ACOT12: variants seen among roughly 807,000 people sequenced by gnomAD.
ACOT12 encodes the protein acyl-CoA thioesterase 12, also known as acetyl-coenzyme A thioesterase.
In ACOT12, 51 loss-of-function variants were observed where a neutral mutation model predicts 67.7. The observed-to-expected ratio is 0.75, with a 90% CI of 0.60 to 0.95. The LOEUF is 0.95. Among genes scored for constraint, ACOT12 ranks in the 40% least tolerant of loss-of-function variants. The probability of loss-of-function intolerance (pLI) is 0.00; values close to 1 mark genes in which losing one functional copy is unlikely to be tolerated. For synonymous variants in ACOT12, 251 were observed against 244.6 expected, an observed-to-expected ratio of 1.03 and a Z score of -0.24; for missense variants, 734 against 708.1, an observed-to-expected ratio of 1.04 and a Z score of -0.41.
the ACOT12 span, among the ~76,000 whole-genome samples, chr5:81,311,518 G>A: frequency 6.6e-6 from 1 of 152,068 alleles, no homozygotes; most frequent in Non-Finnish European, 1.5e-5. Context: ...TAAGACACCT[G>A]ATTCATAAGC....
At chr5:81,324,476 A>G in the ACOT12 span, among the ~76,000 whole-genome samples, 245 of 152,344 alleles carry the variant, frequency 1.6e-3, no homozygotes, top group African/African-American at 5.6e-3. Flanking sequence ...TAAGTACTTA[A>G]GTATACAAGC....
chr5:81,324,720 G>A, the ACOT12 span, among the ~76,000 whole-genome samples: 4 of 152,206 alleles, frequency 2.6e-5, no homozygotes, highest in Non-Finnish European at 5.9e-5. Flanking sequence ...CTAAGAGTGT[G>A]ACATCATGGA....
At chr5:81,331,343 T>A (rs1758819836) in intron 13 of ACOT12, among the ~76,000 whole-genome samples, 1 of 152,058 alleles carries the variant, frequency 6.6e-6, no homozygotes, top group Admixed American at 6.6e-5. Context: ...TTCGAGGCTA[T>A]CCTGACCAAC....
chr5:81,321,510 T>C, the ACOT12 span, among the ~76,000 whole-genome samples: 177 of 152,198 alleles, frequency 1.2e-3, no homozygotes, highest in African/African-American at 4.0e-3. Context: ...ATTTTAAAAA[T>C]GGAAAACTTG....
chr5:81,384,631 T>G (rs1261528011), intron 2 of ACOT12, among the ~76,000 whole-genome samples: 1 of 152,172 alleles, frequency 6.6e-6, no homozygotes, highest in Non-Finnish European at 1.5e-5. Context: ...GAGGCTGTAC[T>G]GTTGAGGTTT....
chr5:81,394,015 A>G lies in ACOT12; in HGVS notation c.100T>C (p.Trp34Arg), dbSNP rs758088057. ...GELSAGQLLK[W>R]IDTTACLAAE... ...GCCAGGCAGGCGGTGGTGTCGATCC[A>G]CTTGAGCAGCTGCCCCGCGCTCAGC... is the stretch of plus-strand genomic sequence containing the variant. Residue 34 changes from tryptophan to arginine, a missense_variant, in exon 1 of 15, where the codon TGG (tryptophan) becomes CGG (arginine). Physicochemically the swap from Trp to Arg is moderately radical, Grantham distance 101. Transcript: ENST00000307624. 2.8e-6 allele frequency: 4 copies of G among 1,450,740 alleles called. No homozygotes were observed. The highest frequency in any genetic ancestry group is 3.6e-6 in the Non-Finnish European group (4 of 1,105,868). The allele number at this position is 1,450,740 out of a possible 1,614,324, so 89.9% of individuals were successfully genotyped here. A position where few individuals can be genotyped will look rare whatever the true frequency, so the allele number is the denominator to read the frequency against.
intron 1 of ACOT12, among the ~76,000 whole-genome samples, 192 bp from the exon 2 acceptor site, chr5:81,386,018 A>G (rs1760716552): frequency 6.6e-6 from 1 of 152,196 alleles, no homozygotes; most frequent in Non-Finnish European, 1.5e-5. Context: ...TATATTTCTA[A>G]TGTATGGTAA....
Position 81,345,868 on chromosome 5 carries a change from C to T in ACOT12, c.773+17G>A, listed in dbSNP as rs183860031. 1.9e-6 allele frequency: 3 copies of T among 1,613,306 alleles called. No homozygotes were observed. Among genetic ancestry groups the T allele is most frequent in the East Asian group, 2.2e-5 (1 of 44,840 alleles). On this transcript the variant is annotated intron_variant, in intron 7 of 14. Coordinates refer to ENST00000307624, the MANE Select transcript of ACOT12 (RefSeq NM_130767.3). Reference sequence around the variant, plus strand: ...CAAGTTTAAATTTCTTCATAGCAGCCTAAGGGCTCACTTTACCAGGTCTGA... The same window carrying T: ...CAAGTTTAAATTTCTTCATAGCAGCTTAAGGGCTCACTTTACCAGGTCTGA...
chr5:81,393,644 G>C (rs539080123), intron 1 of ACOT12, among the ~76,000 whole-genome samples: 2 of 152,114 alleles, frequency 1.3e-5, no homozygotes, highest in African/African-American at 4.8e-5. Context: ...TTTAGCTCAG[G>C]AGGTCGAGGC....
At chr5:81,338,685 G>A (rs921242995) in intron 11 of ACOT12, among the ~76,000 whole-genome samples, 2 of 152,140 alleles carry the variant, frequency 1.3e-5, no homozygotes, top group African/African-American at 4.8e-5. Context: ...TTCATTCTAC[G>A]AAATGAAGCT....
At chr5:81,311,735 T>C in the ACOT12 span, among the ~76,000 whole-genome samples, 19 of 152,212 alleles carry the variant, frequency 1.2e-4, no homozygotes, top group Non-Finnish European at 2.1e-4. Flanking sequence ...AAATGTGTTA[T>C]CTACACAGTA....
chr5:81,355,905 T>C (rs1287356625), intron 5 of ACOT12, among the ~76,000 whole-genome samples: 2 of 152,182 alleles, frequency 1.3e-5, no homozygotes, highest in Admixed American at 1.3e-4. Context: ...AAACAATGCC[T>C]TAGTTTTCCA....
At chr5:81,388,701 A>G (rs550930790) in intron 1 of ACOT12, among the ~76,000 whole-genome samples, 1 of 152,304 alleles carries the variant, frequency 6.6e-6, no homozygotes, top group East Asian at 1.9e-4. Context: ...GGTTAATTAA[A>G]TGGATATTGA....
At chr5:81,388,601 T>A (rs1255748744) in intron 1 of ACOT12, among the ~76,000 whole-genome samples, 5 of 152,242 alleles carry the variant, frequency 3.3e-5, no homozygotes, top group African/African-American at 9.6e-5. Flanking sequence ...ACACTTGTTT[T>A]ATTTTATATA....
At chr5:81,357,052 C>T (rs1759738406) in intron 5 of ACOT12, among the ~76,000 whole-genome samples, 1 of 152,042 alleles carries the variant, frequency 6.6e-6, no homozygotes, top group African/African-American at 2.4e-5. Context: ...TTCTCTCTAG[C>T]AATACTCTTG....
intron 2 of ACOT12, among the ~76,000 whole-genome samples, chr5:81,376,089 G>A (rs779869844): frequency 7.9e-5 from 12 of 152,030 alleles, no homozygotes; most frequent in Non-Finnish European, 1.5e-4. Context: ...ATAATTGGAG[G>A]TAAAACACTC....
the ACOT12 span, among the ~76,000 whole-genome samples, chr5:81,322,088 T>G: frequency 6.6e-6 from 1 of 152,150 alleles, no homozygotes; most frequent in African/African-American, 2.4e-5. Context: ...CTCACAAATT[T>G]ATAATAGAAT....
At position 81,330,766 on chromosome 5, in the gene ACOT12, C is replaced by T. The variant is rs371311711; in HGVS notation, c.1518+48G>A. On this transcript the variant is annotated intron_variant, in intron 14 of 14. Transcript: ENST00000307624. ...CATCTGGGTAAATTAAGAGATTTTT[C>T]GCTATCTGGCAGAGCCAATTAATCT... is the stretch of plus-strand genomic sequence containing the variant. 174 of 1,589,020 alleles carry T rather than the reference C, an allele frequency of 1.1e-4. 1 individual carries two copies. Among genetic ancestry groups the T allele is most frequent in the Middle Eastern group, 5.1e-4 (3 of 5,912 alleles).
intron 1 of ACOT12, among the ~76,000 whole-genome samples, chr5:81,386,995 ATTTTTTTTT>A (rs869281800): frequency 4.7e-4 from 38 of 81,332 alleles, no homozygotes; most frequent in African/African-American, 1.5e-3. Context: ...GATGAGTTCC[ATTTTTTTTT>A]TTTTTTTTTT....
Sources: gnomAD v4.1 joint callset for allele counts (sites outside exome capture counted in the v4.1 genomes callset) on GRCh38, gnomAD v4.1.1 for gene constraint, MANE v1.5 for transcripts, NCBI Gene and HGNC (gene_info 2026-07-23, HGNC 2026-07-21) for gene names.